The following ROBO2 variants were observed in gnomAD, a reference collection of about 807,000 sequenced individuals.
ROBO2 encodes the protein roundabout guidance receptor 2.
Under a neutral mutation model 160.8 loss-of-function variants are expected in ROBO2, and 53 were observed. That is an observed-to-expected ratio of 0.33 (90% CI 0.26 to 0.41). The LOEUF is 0.41. ROBO2 is among the 10% of genes least tolerant of loss of function. The pLI is 1.00. For missense variants in ROBO2, 1,577 were observed against 1,722.4 expected, an observed-to-expected ratio of 0.92 and a Z score of 1.49; for synonymous variants, 664 against 611.7, an observed-to-expected ratio of 1.09 and a Z score of -1.26.
intron 2 of ROBO2, among the ~76,000 whole-genome samples, chr3:76,763,890 G>T (rs2108411562): frequency 6.6e-6 from 1 of 151,814 alleles, no homozygotes; most frequent in Admixed American, 6.6e-5. Context: ...ATTTGCTCTT[G>T]CTATACTATT....
chr3:76,362,699 T>A (rs1480518283), intron 2 of ROBO2, among the ~76,000 whole-genome samples: 6 of 151,988 alleles, frequency 3.9e-5, no homozygotes, highest in African/African-American at 1.4e-4. Context: ...AGAAACACAG[T>A]TTTTAGGATC....
chr3:77,446,814 T>G (rs1358736381), intron 2 of ROBO2, among the ~76,000 whole-genome samples: 3 of 152,096 alleles, frequency 2.0e-5, no homozygotes. Flanking sequence ...AAAAAATCCT[T>G]TGGGTGCTCA....
intron 2 of ROBO2, chr3:76,434,524 T>A: frequency 6.4e-7 from 1 of 1,571,436 alleles, no homozygotes; most frequent in Non-Finnish European, 8.8e-7. Flanking sequence ...AAGATGTGGA[T>A]AAGAAGCATG....
chr3:76,762,049 CGAGTA>C (rs2061336372), intron 2 of ROBO2, among the ~76,000 whole-genome samples: 1 of 151,060 alleles, frequency 6.6e-6, no homozygotes, highest in Admixed American at 6.6e-5. Flanking sequence ...TTCTCCAAAC[CGAGTA>C]GAGTTCAACC....
intron 2 of ROBO2, among the ~76,000 whole-genome samples, chr3:77,337,035 A>G (rs1343060236): frequency 6.6e-6 from 1 of 152,208 alleles, no homozygotes; most frequent in African/African-American, 2.4e-5. Context: ...AGGAAAAACC[A>G]TCTACAAGAG....
At chr3:75,920,211 A>T (rs1220325036) in intron 1 of ROBO2, among the ~76,000 whole-genome samples, 1 of 152,154 alleles carries the variant, frequency 6.6e-6, no homozygotes, top group Non-Finnish European at 1.5e-5. Context: ...TGTGTCCCAG[A>T]TATTCTGGTA....
intron 2 of ROBO2, among the ~76,000 whole-genome samples, chr3:76,162,293 A>T (rs1263281953): frequency 6.6e-6 from 1 of 152,030 alleles, no homozygotes; most frequent in Admixed American, 6.6e-5. Flanking sequence ...GCATGAGCAT[A>T]TTACTTTATT....
chr3:77,389,843 C>T (rs1468673449), intron 2 of ROBO2, among the ~76,000 whole-genome samples: 2 of 152,002 alleles, frequency 1.3e-5, no homozygotes, highest in Admixed American at 1.3e-4. Flanking sequence ...TTTTCTCACC[C>T]CCACCTGGTA....
intron 21 of ROBO2, among the ~76,000 whole-genome samples, chr3:77,612,515 C>T (rs2094668299): frequency 6.6e-6 from 1 of 152,084 alleles, no homozygotes; most frequent in Non-Finnish European, 1.5e-5. Context: ...TCTCATTTTC[C>T]ATTTTTCCTC....
intron 2 of ROBO2, among the ~76,000 whole-genome samples, chr3:76,169,757 C>T (rs1262236586): frequency 1.3e-5 from 2 of 151,860 alleles, no homozygotes; most frequent in Non-Finnish European, 2.9e-5. Flanking sequence ...TGCCTCTTAC[C>T]AGATTAGATA....
intron 1 of ROBO2, among the ~76,000 whole-genome samples, chr3:77,089,192 G>T (rs1326885201): frequency 6.6e-6 from 1 of 152,138 alleles, no homozygotes; most frequent in African/African-American, 2.4e-5. Flanking sequence ...TGGGTAAGAA[G>T]AAAAAGTCAT....
chr3:76,844,077 TG>T (rs1224907908), intron 2 of ROBO2, among the ~76,000 whole-genome samples: 2 of 152,054 alleles, frequency 1.3e-5, no homozygotes, highest in Non-Finnish European at 2.9e-5. Context: ...TCCGGTTCTT[TG>T]TTGCTAAGGG....
intron 1 of ROBO2, among the ~76,000 whole-genome samples, chr3:75,935,375 G>C (rs1236665825): frequency 1.3e-5 from 2 of 151,972 alleles, no homozygotes; most frequent in Non-Finnish European, 2.9e-5. Flanking sequence ...AGCCGGGGAT[G>C]GTGGTGCGTG....
chr3:76,409,787 A>G (rs903156159), intron 2 of ROBO2, among the ~76,000 whole-genome samples: 30 of 151,168 alleles, frequency 2.0e-4, no homozygotes, highest in African/African-American at 7.0e-4. Context: ...AATAACAACA[A>G]AAAAATTGGC....
chr3:77,629,085 T>C (rs1013745725), intron 23 of ROBO2: 2 of 152,124 alleles, frequency 1.3e-5, no homozygotes, highest in African/African-American at 4.8e-5. Flanking sequence ...ACAAGGAGCA[T>C]TAAAGGCTGG....
intron 2 of ROBO2, among the ~76,000 whole-genome samples, chr3:76,009,195 C>G (rs1283178634): frequency 6.6e-6 from 1 of 152,108 alleles, no homozygotes; most frequent in Non-Finnish European, 1.5e-5. Flanking sequence ...CTCCGCCTCC[C>G]GGGTTCCCGC....
intron 2 of ROBO2, among the ~76,000 whole-genome samples, chr3:76,128,148 C>A (rs1243255404): frequency 1.3e-5 from 2 of 151,648 alleles, no homozygotes; most frequent in African/African-American, 4.9e-5. Context: ...CCCACCTCGG[C>A]CTCCCAAACT....
chr3:77,214,952 G>T (rs1315695530), intron 2 of ROBO2, among the ~76,000 whole-genome samples: 1 of 151,102 alleles, frequency 6.6e-6, no homozygotes, highest in Non-Finnish European at 1.5e-5. Context: ...GAGATCAGCT[G>T]TTAGTCTGAT....
At chr3:76,758,656 T>C (rs2061124721) in intron 2 of ROBO2, among the ~76,000 whole-genome samples, 1 of 151,798 alleles carries the variant, frequency 6.6e-6, no homozygotes, top group African/African-American at 2.4e-5. Flanking sequence ...CACCTCTCTG[T>C]TGGGAAAATG....
Sources: gnomAD v4.1 joint callset for allele counts (sites outside exome capture counted in the v4.1 genomes callset) on GRCh38, gnomAD v4.1.1 for gene constraint, MANE v1.5 for transcripts, NCBI Gene and HGNC (gene_info 2026-07-23, HGNC 2026-07-21) for gene names.